The following EPHA6 variants were observed in gnomAD, a reference collection of about 807,000 sequenced individuals.
The protein encoded by EPHA6 is EPH receptor A6, also known as ephrin type-A receptor 6.
In EPHA6, 50 loss-of-function variants were observed where a neutral mutation model predicts 112.0. The ratio of observed to expected loss-of-function variants is 0.45; its 90% confidence interval spans 0.36 to 0.56. The LOEUF is 0.56. EPHA6 is among the 20% of genes least tolerant of loss of function. The pLI, the probability that EPHA6 is intolerant of heterozygous loss-of-function variation, is 0.00. For missense variants in EPHA6, 1,280 were observed against 1,417.4 expected, an observed-to-expected ratio of 0.90 and a Z score of 1.56; for synonymous variants, 529 against 490.7, an observed-to-expected ratio of 1.08 and a Z score of -1.03.
chr3:97,641,755 G>C (rs1369612292), intron 14 of EPHA6, among the ~76,000 whole-genome samples: 1 of 152,202 alleles, frequency 6.6e-6, no homozygotes, highest in African/African-American at 2.4e-5. Context: ...AGCGCACCAC[G>C]AGATTATATC....
intron 15 of EPHA6, among the ~76,000 whole-genome samples, chr3:97,734,755 C>T (rs560006046): frequency 6.6e-6 from 1 of 152,096 alleles, no homozygotes; most frequent in Admixed American, 6.6e-5. Context: ...TTTTGCCTGT[C>T]TTTAAATATT....
chr3:97,528,029 T>C (rs2092647156), intron 10 of EPHA6, among the ~76,000 whole-genome samples: 1 of 152,016 alleles, frequency 6.6e-6, no homozygotes, highest in South Asian at 2.1e-4. Flanking sequence ...ATCTTAGCTA[T>C]AGAAAGGGAA....
intron 5 of EPHA6, among the ~76,000 whole-genome samples, chr3:97,296,909 G>T (rs981672926): frequency 5.3e-5 from 8 of 152,102 alleles, no homozygotes; most frequent in African/African-American, 1.9e-4. Flanking sequence ...TGAACACAGG[G>T]GAATATCACT....
chr3:97,635,704 C>T (rs1186464216), intron 13 of EPHA6, among the ~76,000 whole-genome samples: 3 of 151,720 alleles, frequency 2.0e-5, no homozygotes, highest in South Asian at 2.1e-4. Flanking sequence ...GAGGGGATGA[C>T]GAAAATGTTC....
At chr3:97,539,551 T>C (rs2092819375) in intron 11 of EPHA6, among the ~76,000 whole-genome samples, 1 of 152,180 alleles carries the variant, frequency 6.6e-6, no homozygotes, top group Non-Finnish European at 1.5e-5. Flanking sequence ...CTGGTTTCAT[T>C]GTCCACCATT....
At chr3:97,221,397 C>G (rs901218801) in intron 3 of EPHA6, among the ~76,000 whole-genome samples, 1 of 149,174 alleles carries the variant, frequency 6.7e-6, no homozygotes, top group Non-Finnish European at 1.5e-5. Flanking sequence ...TAATAGAAAC[C>G]ACTTTGTTAG....
intron 3 of EPHA6, among the ~76,000 whole-genome samples, chr3:97,176,995 C>T (rs1279317533): frequency 1.3e-5 from 2 of 151,088 alleles, no homozygotes; most frequent in African/African-American, 2.4e-5. Context: ...TGGAGTTTTC[C>T]CTCTCTTTTG....
rs1216036698 is a variant in EPHA6 at position 97,759,124 on chromosome 3, C to A, written c.*10423C>A. ...CAGAAGAAATGGAGTATAAAGTAAG[C>A]TAGAGAAAAAGGAAATGCAGTTGCT... On this transcript the variant is annotated 3_prime_UTR_variant, in exon 18 of 18. Transcript: ENST00000389672. 6.6e-6 allele frequency among the ~76,000 whole-genome samples: 1 copy of A among 151,834 alleles called. No homozygotes were observed. Among genetic ancestry groups the A allele is most frequent in the Non-Finnish European group, 1.5e-5 (1 of 67,858 alleles).
chr3:97,593,668 T>C (rs2093564131), intron 12 of EPHA6, among the ~76,000 whole-genome samples: 1 of 152,236 alleles, frequency 6.6e-6, no homozygotes. Context: ...AATGTACATT[T>C]CTTGTCCTTG....
At chr3:97,281,951 T>G (rs1351074942) in intron 5 of EPHA6, among the ~76,000 whole-genome samples, 2 of 152,194 alleles carry the variant, frequency 1.3e-5, no homozygotes, top group Non-Finnish European at 2.9e-5. Flanking sequence ...CACCAAATTT[T>G]TAATAATGTG....
At chr3:97,493,018 T>C (rs2091890943) in intron 10 of EPHA6, among the ~76,000 whole-genome samples, 1 of 151,888 alleles carries the variant, frequency 6.6e-6, no homozygotes, top group Non-Finnish European at 1.5e-5. Context: ...TAGCCCTGCT[T>C]TTTGGCTATG....
At chr3:96,890,673 A>G (rs1483384708) in intron 2 of EPHA6, among the ~76,000 whole-genome samples, 2 of 152,242 alleles carry the variant, frequency 1.3e-5, no homozygotes, top group Admixed American at 1.3e-4. Flanking sequence ...AAAACAAAAT[A>G]AAATGTCAAT....
intron 1 of EPHA6, among the ~76,000 whole-genome samples, chr3:96,818,723 CAAA>C: frequency 6.6e-6 from 1 of 151,692 alleles, no homozygotes; most frequent in African/African-American, 2.4e-5. Flanking sequence ...AAAGATTTTT[CAAA>C]AGTAAACATT....
At chr3:97,443,875 A>G (rs759571858) in intron 6 of EPHA6, among the ~76,000 whole-genome samples, 1 of 152,136 alleles carries the variant, frequency 6.6e-6, no homozygotes, top group Non-Finnish European at 1.5e-5. Context: ...GGAAAAAACT[A>G]CTTTGGCTCA....
chr3:97,592,556 T>A (rs2093554648), intron 11 of EPHA6, 56 bp from the exon 12 acceptor site: 1 of 1,595,952 alleles, frequency 6.3e-7, no homozygotes, highest in Non-Finnish European at 8.6e-7. Flanking sequence ...ATGTAAATGA[T>A]CAATGCTTTT....
intron 4 of EPHA6, among the ~76,000 whole-genome samples, chr3:97,231,672 A>C (rs1216564498): frequency 6.6e-6 from 1 of 152,172 alleles, no homozygotes; most frequent in African/African-American, 2.4e-5. Context: ...GCCTGGGAGA[A>C]AGTTCCTCTG....
At chr3:97,150,053 C>T (rs2076135849) in intron 3 of EPHA6, among the ~76,000 whole-genome samples, 1 of 151,898 alleles carries the variant, frequency 6.6e-6, no homozygotes, top group Non-Finnish European at 1.5e-5. Flanking sequence ...TCAACATTTC[C>T]TTCCTAAGTT....
chr3:97,506,880 C>T (rs1419767748), intron 10 of EPHA6, among the ~76,000 whole-genome samples: 5 of 152,114 alleles, frequency 3.3e-5, no homozygotes, highest in Admixed American at 6.6e-5. Context: ...TGAAGAAGTC[C>T]TTCACATCCC....
At chr3:97,217,408 A>G in intron 3 of EPHA6, among the ~76,000 whole-genome samples, 1 of 152,244 alleles carries the variant, frequency 6.6e-6, no homozygotes, top group Non-Finnish European at 1.5e-5. Context: ...AATGCAAAGC[A>G]AATAGCAAGG....
Sources: gnomAD v4.1 joint callset for allele counts (sites outside exome capture counted in the v4.1 genomes callset) on GRCh38, gnomAD v4.1.1 for gene constraint, MANE v1.5 for transcripts, NCBI Gene and HGNC (gene_info 2026-07-23, HGNC 2026-07-21) for gene names.